CENPK: variants seen among roughly 807,000 people sequenced by gnomAD.
CENPK encodes the protein centromere protein K.
A neutral mutation model predicts 40.9 loss-of-function variants in CENPK; 46 were observed. That is an observed-to-expected ratio of 1.13 (90% CI 0.89 to 1.44). The LOEUF is 1.44. Ranked by LOEUF, CENPK falls within the 40% of genes most tolerant of loss-of-function variation. CENPK has a pLI of 0.00. For missense variants in CENPK, 288 were observed against 303.5 expected, an observed-to-expected ratio of 0.95 and a Z score of 0.38; for synonymous variants, 107 against 104.4, an observed-to-expected ratio of 1.02 and a Z score of -0.15.
intron 9 of CENPK, 109 bp downstream of exon 9, chr5:65,528,343 T>C: frequency 1.0e-6 from 1 of 952,438 alleles, no homozygotes; most frequent in East Asian, 3.3e-5. Context: ...TAATGGCATA[T>C]TTCCATACAT....
At chr5:65,499,666 A>ATTTTTTTTTTTTT in the CENPK span, among the ~76,000 whole-genome samples, 3 of 79,396 alleles carry the variant, frequency 3.8e-5, no homozygotes, top group Non-Finnish European at 6.8e-5. Context: ...TTTTTTTTTT[A>ATTTTTTTTTTTTT]ATTTTTTTTT....
chr5:65,544,503 A>C (rs890645911), intron 5 of CENPK, among the ~76,000 whole-genome samples: 2 of 152,184 alleles, frequency 1.3e-5, no homozygotes, highest in Admixed American at 1.3e-4. Flanking sequence ...CTTAAAATAG[A>C]ACTATCATAT....
At chr5:65,496,568 G>A in the CENPK span, among the ~76,000 whole-genome samples, 5 of 152,052 alleles carry the variant, frequency 3.3e-5, no homozygotes, top group East Asian at 3.9e-4. Context: ...AAATGCATAC[G>A]TAAACACTTT....
downstream of CENPK, among the ~76,000 whole-genome samples, chr5:65,513,782 T>G (rs1321988847): frequency 1.3e-5 from 2 of 152,216 alleles, no homozygotes; most frequent in Non-Finnish European, 2.9e-5. Context: ...CTACTTGCCT[T>G]GTTTCTGTTC....
At chr5:65,550,755 G>C (rs1282399353) in intron 5 of CENPK, 2 of 151,864 alleles carry the variant, frequency 1.3e-5, no homozygotes, top group African/African-American at 4.8e-5. Flanking sequence ...AGAAACTTAA[G>C]CTCTCACATT....
intron 2 of CENPK, among the ~76,000 whole-genome samples, chr5:65,556,175 A>G (rs1159586888): frequency 6.6e-6 from 1 of 152,240 alleles, no homozygotes; most frequent in Non-Finnish European, 1.5e-5. Context: ...TTAGCTAGAA[A>G]AAAAGACATA....
intron 9 of CENPK, among the ~76,000 whole-genome samples, chr5:65,527,082 G>A (rs751031300): frequency 6.6e-6 from 1 of 151,798 alleles, no homozygotes; most frequent in Non-Finnish European, 1.5e-5. Context: ...GGGTGACAGA[G>A]CAAAACTCGG....
intron 6 of CENPK, chr5:65,541,563 CAT>C: frequency 2.4e-6 from 1 of 410,774 alleles, no homozygotes. Context: ...TCCTTAGACA[CAT>C]GTTCTTTCTT....
intron 5 of CENPK, among the ~76,000 whole-genome samples, chr5:65,548,662 G>T (rs1333986570): frequency 6.6e-6 from 1 of 152,124 alleles, no homozygotes; most frequent in Non-Finnish European, 1.5e-5. Context: ...ATCTTTTGTT[G>T]TCATTTCAAC....
Position 65,529,169 on chromosome 5 carries a change from C to A in CENPK, c.319G>T (p.Val107Leu). The part of the protein sequence containing the change: ...FQKLRQDLEM[V>L]LSTKESKNEK... The stretch of plus-strand genomic sequence containing the variant: ...TTCTTTGACTCCTTAGTGGACAGTA[C>A]CATTTCAAGATCTTGTCTCAGCTTT... The change falls in exon 7 of 11, where the codon GTA becomes TTA. Residue 107 changes from valine (V) to leucine (L), a missense_variant. Physicochemically the swap from Val to Leu is conservative, Grantham distance 32. Transcript: ENST00000396679. 1.2e-6 allele frequency: 2 copies of A among 1,610,248 alleles called. No individual in the cohort carries two copies. Among genetic ancestry groups the A allele is most frequent in the South Asian group, 2.2e-5 (2 of 90,458 alleles).
At chr5:65,552,610 C>T in intron 3 of CENPK, 61 bp from the exon 4 acceptor site, 3 of 1,028,824 alleles carry the variant, frequency 2.9e-6, no homozygotes, top group Non-Finnish European at 4.3e-6. Context: ...AATTCCCTTC[C>T]CCTCTCCTTT....
the CENPK span, among the ~76,000 whole-genome samples, chr5:65,512,173 A>C: frequency 2.0e-5 from 3 of 152,204 alleles, no homozygotes; most frequent in Non-Finnish European, 4.4e-5. Context: ...ATTCCCATGG[A>C]TGAGCAAAAA....
chr5:65,524,152 G>T (rs1373422257), intron 9 of CENPK, among the ~76,000 whole-genome samples: 1 of 151,538 alleles, frequency 6.6e-6, no homozygotes, highest in Non-Finnish European at 1.5e-5. Flanking sequence ...AAGGCGGGCA[G>T]ATCACCAGCT....
chr5:65,532,465 C>T (rs1212465687), intron 6 of CENPK, among the ~76,000 whole-genome samples: 1 of 152,036 alleles, frequency 6.6e-6, no homozygotes, highest in Non-Finnish European at 1.5e-5. Context: ...AAACCACAGA[C>T]CAATATTCCT....
chr5:65,550,756 C>G (rs1330595469), intron 5 of CENPK: 2 of 151,974 alleles, frequency 1.3e-5, no homozygotes, highest in African/African-American at 4.8e-5. Context: ...GAAACTTAAG[C>G]TCTCACATTT....
Position 65,542,831 on chromosome 5 carries a change from C to CT in CENPK, c.258dup (p.Asp87ArgfsTer19). Reference sequence around the variant, plus strand: ...TCTTTTCCTAATGTTATGAGAACGTCTTCAGTCAAGGGAATTGCTACAAAA... The same window carrying CT: ...TCTTTTCCTAATGTTATGAGAACGTCTTTCAGTCAAGGGAATTGCTACAAAA... On this transcript the variant is annotated frameshift_variant, in exon 6 of 11. Coordinates refer to ENST00000396679, the MANE Select transcript of CENPK (RefSeq NM_022145.5). LOFTEE classifies it high-confidence loss of function. 1 of 1,610,554 alleles carries CT rather than the reference C, an allele frequency of 6.2e-7. No homozygotes were observed. The highest frequency in any genetic ancestry group is 8.5e-7 in the Non-Finnish European group (1 of 1,178,538).
the CENPK span, among the ~76,000 whole-genome samples, chr5:65,509,658 G>A: frequency 6.6e-6 from 1 of 152,170 alleles, no homozygotes; most frequent in East Asian, 1.9e-4. Flanking sequence ...ATACCTAGGA[G>A]TGTAATGCTA....
chr5:65,518,885 C>T (rs142853222), intron 10 of CENPK, among the ~76,000 whole-genome samples: 1,530 of 152,136 alleles, frequency 0.01, 12 homozygotes, highest in Non-Finnish European at 0.017. Context: ...AATTTACAAT[C>T]CTCCCACTTC....
At chr5:65,562,201 T>C (rs762698618) in intron 1 of CENPK, among the ~76,000 whole-genome samples, 11 of 152,156 alleles carry the variant, frequency 7.2e-5, no homozygotes, top group Non-Finnish European at 1.3e-4. Flanking sequence ...TGCATTGGTC[T>C]CTGAAAGATG....
Sources: gnomAD v4.1 joint callset for allele counts (sites outside exome capture counted in the v4.1 genomes callset) on GRCh38, gnomAD v4.1.1 for gene constraint, MANE v1.5 for transcripts, NCBI Gene and HGNC (gene_info 2026-07-23, HGNC 2026-07-21) for gene names.